Variants in SH3GL3 observed in about 807,000 individuals in gnomAD.
The protein encoded by SH3GL3 is SH3 domain containing GRB2 like 3, endophilin A3, also known as endophilin-A3.
Under a neutral mutation model 47.7 loss-of-function variants are expected in SH3GL3, and 33 were observed. The ratio of observed to expected loss-of-function variants is 0.69; its 90% CI spans 0.52 to 0.92. The LOEUF is 0.92. SH3GL3 is among the 40% of genes least tolerant of loss of function. The pLI is 0.00. For synonymous variants in SH3GL3, 155 were observed against 148.8 expected, an observed-to-expected ratio of 1.04 and a Z score of -0.30; for missense variants, 363 against 417.8, an observed-to-expected ratio of 0.87 and a Z score of 1.14.
chr15:83,575,806 A>G (rs1229288133), intron 5 of SH3GL3, among the ~76,000 whole-genome samples: 7 of 152,106 alleles, frequency 4.6e-5, no homozygotes, highest in Non-Finnish European at 8.8e-5. Flanking sequence ...GATGCCTGGT[A>G]TCTGATTTCC....
intron 1 of SH3GL3, among the ~76,000 whole-genome samples, chr15:83,520,141 G>A (rs1387463518): frequency 6.6e-6 from 1 of 152,178 alleles, no homozygotes; most frequent in Non-Finnish European, 1.5e-5. Context: ...CTGTGTTAGA[G>A]GTGAGGAGCC....
At chr15:83,581,129 C>T (rs79926994) in intron 6 of SH3GL3, among the ~76,000 whole-genome samples, 2,253 of 152,250 alleles carry the variant, frequency 0.015, 50 homozygotes, top group Middle Eastern at 0.044. Context: ...AAAGCTTCAC[C>T]GGGGAATGCC....
chr15:83,626,366 T>C, the SH3GL3 span, among the ~76,000 whole-genome samples: 1 of 152,212 alleles, frequency 6.6e-6, no homozygotes, highest in Non-Finnish European at 1.5e-5. Context: ...GCTCATGTTC[T>C]GAATCACTCC....
At chr15:83,607,885 C>CA (rs1471830567) in intron 8 of SH3GL3, among the ~76,000 whole-genome samples, 3 of 127,688 alleles carry the variant, frequency 2.3e-5, no homozygotes, top group South Asian at 2.8e-4. Flanking sequence ...ATAATACAAA[C>CA]AACAACAACA....
intron 1 of SH3GL3, among the ~76,000 whole-genome samples, chr15:83,524,746 A>G (rs1567301665): frequency 6.6e-6 from 1 of 151,962 alleles, no homozygotes. Context: ...GCTCCCAAAT[A>G]TGAGTGAGAA....
intron 1 of SH3GL3, among the ~76,000 whole-genome samples, chr15:83,506,873 A>C (rs1207715838): frequency 6.6e-6 from 1 of 152,070 alleles, no homozygotes; most frequent in Non-Finnish European, 1.5e-5. Flanking sequence ...GGAGTGGCTG[A>C]AGGCTGGGGA....
At chr15:83,526,810 TAAA>T (rs139212685) in intron 1 of SH3GL3, among the ~76,000 whole-genome samples, 1 of 151,918 alleles carries the variant, frequency 6.6e-6, no homozygotes, top group African/African-American at 2.4e-5. Flanking sequence ...CCCCTGAACT[TAAA>T]AAAAACCAAA....
chr15:83,594,814 C>G (rs1246268748), intron 8 of SH3GL3, among the ~76,000 whole-genome samples: 1 of 152,200 alleles, frequency 6.6e-6, no homozygotes, highest in Non-Finnish European at 1.5e-5. Flanking sequence ...CATCTCACAT[C>G]AGTCAGAATG....
At chr15:83,472,968 C>T (rs1354532884) in intron 1 of SH3GL3, among the ~76,000 whole-genome samples, 1 of 152,114 alleles carries the variant, frequency 6.6e-6, no homozygotes, top group Non-Finnish European at 1.5e-5. Flanking sequence ...GCGAGAGTTC[C>T]GGCCATTAGG....
At chr15:83,510,656 A>G (rs1412414093) in intron 1 of SH3GL3, among the ~76,000 whole-genome samples, 1 of 152,116 alleles carries the variant, frequency 6.6e-6, no homozygotes, top group Non-Finnish European at 1.5e-5. Context: ...AGAAAATATA[A>G]ATATTTTATG....
rs141791017 is a variant in SH3GL3 at position 83,580,999 on chromosome 15, T to C, written c.624+4258T>C. ...TCTGAGATGGGTGTGCTTGGTGCTC[T>C]TGTGCTACCTGTCCATCTCTGTTTG... On this transcript the variant is annotated intron_variant, in intron 6 of 8. Transcript: ENST00000427482. 5.8e-3 allele frequency among the ~76,000 whole-genome samples: 888 copies of C among 152,332 alleles called. 10 individuals are homozygous for C. The highest frequency in any genetic ancestry group is 0.021 in the African/African-American group (858 of 41,578).
At chr15:83,473,843 G>A (rs192208861) in intron 1 of SH3GL3, among the ~76,000 whole-genome samples, 2 of 147,706 alleles carry the variant, frequency 1.4e-5, no homozygotes, top group Admixed American at 6.7e-5. Flanking sequence ...CACCGCGCCC[G>A]GCCTGTTGGG....
chr15:83,507,604 G>A (rs974597312), intron 1 of SH3GL3, among the ~76,000 whole-genome samples: 1 of 151,506 alleles, frequency 6.6e-6, no homozygotes, highest in African/African-American at 2.4e-5. Context: ...TAGTAGAGAT[G>A]GGGTTTCACC....
At chr15:83,483,007 T>C (rs536460785) in intron 1 of SH3GL3, among the ~76,000 whole-genome samples, 13 of 152,328 alleles carry the variant, frequency 8.5e-5, no homozygotes, top group African/African-American at 3.1e-4. Context: ...TGCACTGTTT[T>C]GACTTTTCCT....
intron 8 of SH3GL3, among the ~76,000 whole-genome samples, chr15:83,594,541 T>C (rs1431947709): frequency 6.6e-6 from 1 of 152,230 alleles, no homozygotes; most frequent in Non-Finnish European, 1.5e-5. Context: ...TTACCTGCTG[T>C]TCTTTTTCTG....
At chr15:83,577,440 G>A (rs1596297436) in intron 6 of SH3GL3, among the ~76,000 whole-genome samples, 1 of 151,726 alleles carries the variant, frequency 6.6e-6, no homozygotes, top group East Asian at 2.0e-4. Context: ...TCACTCTGTT[G>A]CCCAGGCTGG....
chr15:83,477,243 A>G (rs1044501253), intron 1 of SH3GL3, among the ~76,000 whole-genome samples: 1 of 152,198 alleles, frequency 6.6e-6, no homozygotes, highest in Non-Finnish European at 1.5e-5. Context: ...ATTTCTCACC[A>G]GGGAAACACT....
chr15:83,538,469 T>C (rs997225737), intron 1 of SH3GL3, among the ~76,000 whole-genome samples: 13 of 152,216 alleles, frequency 8.5e-5, no homozygotes, highest in Admixed American at 8.5e-4. Flanking sequence ...GTTCAAGATA[T>C]AGAACATTAG....
At chr15:83,461,759 C>T (rs748446795) in intron 1 of SH3GL3, among the ~76,000 whole-genome samples, 10 of 151,978 alleles carry the variant, frequency 6.6e-5, no homozygotes, top group African/African-American at 9.7e-5. Context: ...ATCTGAAGCC[C>T]ACCTTGATTT....
Sources: allele counts gnomAD v4.1 joint callset (sites outside exome capture counted in the v4.1 genomes callset), GRCh38; gene constraint gnomAD v4.1.1; transcripts MANE v1.5; gene names NCBI Gene and HGNC (gene_info 2026-07-23, HGNC 2026-07-21).